Variants in UNC5B observed in about 807,000 individuals in gnomAD.
The protein encoded by UNC5B is netrin receptor UNC5B.
A neutral mutation model predicts 103.7 loss-of-function variants in UNC5B; 56 were observed. The ratio of observed to expected loss-of-function variants is 0.54; its 90% confidence interval spans 0.44 to 0.67. The LOEUF is 0.67. Among genes scored for constraint, UNC5B ranks in the 30% least tolerant of loss-of-function variants. The probability of loss-of-function intolerance (pLI) is 0.00; values close to 1 mark genes in which losing one functional copy is unlikely to be tolerated. For missense variants in UNC5B, 1,194 were observed against 1,284.5 expected, an observed-to-expected ratio of 0.93 and a Z score of 1.08; for synonymous variants, 577 against 542.0, an observed-to-expected ratio of 1.06 and a Z score of -0.90.
chr10:71,289,619 C>T (rs1845193279), intron 8 of UNC5B, among the ~76,000 whole-genome samples: 1 of 152,254 alleles, frequency 6.6e-6, no homozygotes, highest in South Asian at 2.1e-4. Context: ...ATCATAAAAT[C>T]AGTGAGGCCC....
chr10:71,278,555 T>G (rs960113131), intron 1 of UNC5B, among the ~76,000 whole-genome samples: 1 of 152,216 alleles, frequency 6.6e-6, no homozygotes, highest in African/African-American at 2.4e-5. Flanking sequence ...GGTCTCCTGG[T>G]CCACAAAGAG....
In UNC5B at chr10:71,293,459, C is replaced by T. The variant is rs772452889; in HGVS notation, c.1827C>T (p.Pro609=). ...TGAGCCCCTCGGTGACCTGTGGACC[C>T]ACAGGCCTCCTGCTGTGCCGCCCCG... ...TVLSPSVTCG[P]TGLLLCRPVI... The change falls in exon 12 of 17, where the codon CCC becomes CCT. Residue 609 remains proline (P), a synonymous_variant. Transcript: ENST00000335350. 1.2e-6 allele frequency: 2 copies of T among 1,614,012 alleles called. No individual in the cohort carries two copies. The highest frequency in any genetic ancestry group is 2.7e-5 in the African/African-American group (2 of 74,932).
rs934994317 is a variant in UNC5B, at chr10:71,284,290, G to C, written c.305-430G>C. Among the ~76,000 whole-genome samples, 6 of 152,126 alleles carry C rather than the reference G, an allele frequency of 3.9e-5. No individual in the cohort carries two copies. The East Asian group carries it at 9.6e-4, about 24-fold the overall frequency. ...GGGACTGATGTGCAAGGGCCCCGTG[G>C]CTGCAGAGCCAGGGAACATGAGGGC... On this transcript the variant is annotated intron_variant, in intron 2 of 16. Coordinates refer to ENST00000335350, the MANE Select transcript of UNC5B (RefSeq NM_170744.5).
chr10:71,224,242 CACACACACACAG>C (rs1843511990), intron 1 of UNC5B, among the ~76,000 whole-genome samples: 1 of 145,038 alleles, frequency 6.9e-6, no homozygotes, highest in Non-Finnish European at 1.5e-5. Context: ...CAGACACAGA[CACACACACACAG>C]ACACACACAC....
At chr10:71,287,507 C>G in intron 5 of UNC5B, 91 bp from the exon 6 acceptor site, 1 of 1,471,420 alleles carries the variant, frequency 6.8e-7, no homozygotes, top group Non-Finnish European at 9.1e-7. Context: ...CAGGCTTCAG[C>G]AGAGGGGCCT....
chr10:71,213,110 C>A lies in UNC5B; in HGVS notation c.79+46C>A, dbSNP rs1843261311. On this transcript the variant is annotated intron_variant, in intron 1 of 16. Transcript: ENST00000335350. The surrounding 1 kb of genome is among the most constrained non-coding windows in gnomAD (Gnocchi z 4.1). ...GGGGCGCGGGGCTAGGGGACCCTTG[C>A]GCCTCACTCTGTCCTGAAGTTGAGG... 4 of 1,240,404 alleles carry A rather than the reference C, an allele frequency of 3.2e-6. No individual in the cohort carries two copies. The highest frequency in any genetic ancestry group is 4.1e-6 in the Non-Finnish European group (4 of 981,250). The allele number at this position is 1,240,404 out of a possible 1,614,324, so 76.8% of individuals were successfully genotyped here. A position where few individuals can be genotyped will look rare whatever the true frequency, so the allele number is the denominator to read the frequency against.
chr10:71,297,587 T>G (rs958374236), intron 15 of UNC5B, among the ~76,000 whole-genome samples: 2 of 152,244 alleles, frequency 1.3e-5, no homozygotes, highest in Non-Finnish European at 2.9e-5. Context: ...TAGACTTCAC[T>G]TTCCACCTGT....
intron 13 of UNC5B, among the ~76,000 whole-genome samples, chr10:71,294,570 T>G (rs1845358377): frequency 6.6e-6 from 1 of 151,630 alleles, no homozygotes; most frequent in African/African-American, 2.4e-5. Context: ...CCACAGGGAG[T>G]GACAGCAGCC....
At chr10:71,230,316 G>C (rs1843657904) in intron 1 of UNC5B, among the ~76,000 whole-genome samples, 1 of 152,112 alleles carries the variant, frequency 6.6e-6, no homozygotes, top group African/African-American at 2.4e-5. Context: ...GCTCAGCGAG[G>C]GAAGCTGCTG....
At chr10:71,244,353 C>G (rs1157692129) in intron 1 of UNC5B, among the ~76,000 whole-genome samples, 1 of 152,194 alleles carries the variant, frequency 6.6e-6, no homozygotes, top group Non-Finnish European at 1.5e-5. Flanking sequence ...TGACGACACC[C>G]TAAACTTGGG....
At chr10:71,245,105 C>G (rs1282720076) in intron 1 of UNC5B, among the ~76,000 whole-genome samples, 4 of 152,326 alleles carry the variant, frequency 2.6e-5, no homozygotes, top group South Asian at 2.1e-4. Flanking sequence ...CCCGGGCTCC[C>G]TTCTCTGACC....
At chr10:71,287,856 A>AT in intron 6 of UNC5B, 91 bp downstream of exon 6, 2 of 1,495,104 alleles carry the variant, frequency 1.3e-6, no homozygotes, top group Non-Finnish European at 8.9e-7. Flanking sequence ...TTCTCTCCCC[A>AT]GCATGGGGAG....
intron 1 of UNC5B, among the ~76,000 whole-genome samples, chr10:71,215,807 GT>G (rs1220089674): frequency 5.9e-4 from 2 of 3,416 alleles, no homozygotes; most frequent in Non-Finnish European, 1.2e-3. Context: ...TCTCTGCTTG[GT>G]GTGTGTGTGT....
chr10:71,246,106 A>T (rs1159377623), intron 1 of UNC5B, among the ~76,000 whole-genome samples: 1 of 151,034 alleles, frequency 6.6e-6, no homozygotes, highest in East Asian at 1.9e-4. Context: ...GGGAAACAAG[A>T]CTCCCGCCTG....
In UNC5B at chr10:71,288,673, G is replaced by A. The variant is rs528466509; in HGVS notation, c.1007G>A (p.Arg336His). 6.8e-5 allele frequency: 109 copies of A among 1,613,704 alleles called. No individual in the cohort carries two copies. The South Asian group carries it at 1.0e-3, about 15-fold the overall frequency. The change falls in exon 7 of 17, where the codon CGT (arginine) becomes CAT (histidine). Residue 336 changes from arginine to histidine, a missense_variant. By Grantham distance (29) the Arg-to-His change is conservative. Coordinates refer to ENST00000335350, the MANE Select transcript of UNC5B (RefSeq NM_170744.5). ...CMAPPPQNGG[R>H]DCSGTLLDSK... The stretch of plus-strand genomic sequence containing the variant: ...GCGCCCCCACCCCAGAACGGAGGCC[G>A]TGACTGCAGCGGGACGCTGCTCGAC...
intron 1 of UNC5B, among the ~76,000 whole-genome samples, chr10:71,250,974 GAACA>G (rs1564716582): frequency 6.6e-6 from 1 of 152,188 alleles, no homozygotes; most frequent in Non-Finnish European, 1.5e-5. Context: ...TACCAATCCT[GAACA>G]AACAGTGATG....
intron 11 of UNC5B, 21 bp downstream of exon 11, chr10:71,292,575 T>C (rs1393082571): frequency 6.3e-7 from 1 of 1,579,090 alleles, no homozygotes; most frequent in Non-Finnish European, 8.6e-7. Flanking sequence ...CCCCAGCCGC[T>C]GCTCCTTTTT....
At chr10:71,221,871 T>C (rs1251253464) in intron 1 of UNC5B, among the ~76,000 whole-genome samples, 1 of 152,234 alleles carries the variant, frequency 6.6e-6, no homozygotes, top group African/African-American at 2.4e-5. Flanking sequence ...CTGAGCTTAG[T>C]TCCTTCATTT....
chr10:71,213,975 C>A lies in UNC5B; in HGVS notation c.79+911C>A, dbSNP rs559180283. ...TGGATGAATACGTTTCTCGCTCGTC[C>A]TGTAGCTGGACCCGGCGTCGCTGGC... On this transcript the variant is annotated intron_variant, in intron 1 of 16. Transcript: ENST00000335350. The surrounding 1 kb of genome is among the most constrained non-coding windows in gnomAD (Gnocchi z 4.1). 4.6e-5 allele frequency among the ~76,000 whole-genome samples: 7 copies of A among 152,036 alleles called. No individual in the cohort carries two copies. In the East Asian group the frequency reaches 1.4e-3, roughly 29 times the overall value.
Sources: gnomAD v4.1 joint callset for allele counts (sites outside exome capture counted in the v4.1 genomes callset) on GRCh38, gnomAD v4.1.1 for gene constraint, Gnocchi (gnomAD v3.1) non-coding constraint, MANE v1.5 for transcripts, NCBI Gene and HGNC (gene_info 2026-07-23, HGNC 2026-07-21) for gene names.